Variants in FAM9B observed in about 807,000 individuals in gnomAD.
FAM9B encodes protein FAM9B.
In FAM9B, 18 loss-of-function variants were observed where a neutral mutation model predicts 16.6. That is an observed-to-expected ratio of 1.09 (90% CI 0.75 to 1.61). The LOEUF (loss-of-function observed/expected upper bound fraction) is 1.61. Ranked by LOEUF, FAM9B falls within the 40% of genes most tolerant of loss-of-function variation. The pLI, the probability that FAM9B is intolerant of heterozygous loss-of-function variation, is 0.00. For missense variants in FAM9B, 155 were observed against 136.0 expected, an observed-to-expected ratio of 1.14 and a Z score of -0.70; for synonymous variants, 43 against 42.6, an observed-to-expected ratio of 1.01 and a Z score of -0.03.
intron 7 of FAM9B, among the ~76,000 whole-genome samples, chrX:9,026,750 C>A (rs1256768945): frequency 9.0e-6 from 1 of 110,795 alleles, no homozygotes; most frequent in African/African-American, 3.3e-5. Flanking sequence ...TAGCAAAGTT[C>A]CTAACCTAAG....
chrX:9,025,539 A>G lies in FAM9B; in HGVS notation c.537T>C (p.Asp179=). The G allele has an allele frequency of 1.7e-6, 2 of 1,209,135 alleles. No homozygotes were observed. Among genetic ancestry groups the G allele is most frequent in the Non-Finnish European group, 2.2e-6 (2 of 894,269 alleles). ...TCTAGTTATCAAGTTCACTGTCTTC[A>G]TCGGAAAAAACTCTGTCACAAAGGT... is the stretch of plus-strand genomic sequence containing the variant. ...FEDLCDRVFS[D]EDSELDN Residue 179 remains aspartate (D), a synonymous_variant, in exon 8 of 9, where the codon GAT becomes GAC. Coordinates refer to ENST00000327220, the MANE Select transcript of FAM9B (RefSeq NM_205849.3).
chrX:9,032,555 G>GTTT, intron 2 of FAM9B, 94 bp from the exon 3 acceptor site: 1 of 414,264 alleles, frequency 2.4e-6, no homozygotes, highest in African/African-American at 4.5e-5. Flanking sequence ...GACTTTTTTG[G>GTTT]GGGGGGGGGG....
intron 4 of FAM9B, chrX:9,031,863 T>A (rs373389691): frequency 3.1e-6 from 1 of 324,348 alleles, no homozygotes; most frequent in African/African-American, 2.6e-5. Context: ...TCCTCTAATA[T>A]CCTCCAAACA....
chrX:9,026,555 G>C (rs1273849618), intron 7 of FAM9B, among the ~76,000 whole-genome samples: 1 of 111,310 alleles, frequency 9.0e-6, no homozygotes, highest in Non-Finnish European at 1.9e-5. Context: ...AATGAAGGAT[G>C]GCTCAGAAGA....
intron 5 of FAM9B, chrX:9,029,977 C>T: frequency 2.5e-6 from 1 of 407,929 alleles, no homozygotes. Flanking sequence ...TTATATGCAG[C>T]TACCATATTT....
intron 5 of FAM9B, 56 bp downstream of exon 5, chrX:9,030,205 A>G: frequency 3.4e-6 from 4 of 1,162,758 alleles, no homozygotes; most frequent in Non-Finnish European, 4.6e-6. Context: ...TATTTGCACC[A>G]ACTAATACAA....
intron 4 of FAM9B, 78 bp downstream of exon 4, chrX:9,032,052 C>T (rs1183892255): frequency 8.5e-6 from 8 of 938,694 alleles, no homozygotes; most frequent in Non-Finnish European, 1.2e-5. Flanking sequence ...TTGTCGTCCA[C>T]TAATTCATAT....
At chrX:9,027,549 C>A (rs1330323526) in intron 7 of FAM9B, among the ~76,000 whole-genome samples, 2 of 110,801 alleles carry the variant, frequency 1.8e-5, no homozygotes, top group East Asian at 2.8e-4. Context: ...TTTTCACACA[C>A]AAAAAAAATT....
chrX:9,033,301 C>G, intron 1 of FAM9B: 1 of 1,065,058 alleles, frequency 9.4e-7, no homozygotes, highest in Non-Finnish European at 1.2e-6. Context: ...CTGAACTCCA[C>G]GGCCTCTGCG....
chrX:9,027,744 A>C (rs1920980376), intron 7 of FAM9B, 124 bp downstream of exon 7: 1 of 528,473 alleles, frequency 1.9e-6, no homozygotes, highest in Non-Finnish European at 3.2e-6. Context: ...ATTCAAAGTG[A>C]AAATGCTAAG....
intron 4 of FAM9B, 158 bp from the exon 5 acceptor site, chrX:9,030,518 A>C: frequency 2.7e-6 from 1 of 373,895 alleles, no homozygotes; most frequent in Non-Finnish European, 4.4e-6. Context: ...AAAAAGCAAG[A>C]TTTACTCACT....
At chrX:9,031,116 T>C (rs765418499) in intron 4 of FAM9B, 1 of 111,858 alleles carries the variant, frequency 8.9e-6, no homozygotes, top group East Asian at 2.8e-4. Context: ...AATGCAAATA[T>C]TTTTTACATA....
In FAM9B at chrX:9,025,287, T is replaced by C; in HGVS notation, c.*122A>G. 1 of 311,115 alleles carries C rather than the reference T, an allele frequency of 3.2e-6. No individual in the cohort carries two copies. The highest frequency in any genetic ancestry group is 5.6e-6 in the Non-Finnish European group (1 of 178,348). The allele number at this position is 311,115 out of a possible 1,213,427, so 25.6% of individuals were successfully genotyped here. A position where few individuals can be genotyped will look rare whatever the true frequency, so the allele number is the denominator to read the frequency against. On this transcript the variant is annotated 3_prime_UTR_variant, in exon 9 of 9. Transcript: ENST00000327220. ...TTTACTGTAGCTCAAGTTGTGCTTG[T>C]ATCATATAACATAGGTTCAAGTTCT...
At chrX:9,032,219 T>C in intron 3 of FAM9B, 58 bp from the exon 4 acceptor site, 1 of 1,196,277 alleles carries the variant, frequency 8.4e-7, no homozygotes, top group South Asian at 1.8e-5. Flanking sequence ...GCCATGTTTG[T>C]TGGGAAAAGA....
chrX:9,029,510 C>T, intron 5 of FAM9B, 92 bp from the exon 6 acceptor site: 5 of 550,231 alleles, frequency 9.1e-6, no homozygotes, highest in Non-Finnish European at 1.5e-5. Context: ...ATAATTTATA[C>T]TATAAAGTAG....
Position 9,024,358 on chromosome X carries a change from T to C in FAM9B, c.*1051A>G, listed in dbSNP as rs1296500224. The C allele has an allele frequency of 8.9e-6, 1 of 111,890 alleles. No homozygotes were observed. Among genetic ancestry groups the C allele is most frequent in the Non-Finnish European group, 1.9e-5 (1 of 53,201 alleles). The allele number at this position is 111,890 out of a possible 1,213,427, so 9.2% of individuals were successfully genotyped here. On this transcript the variant is annotated 3_prime_UTR_variant, in exon 9 of 9. Transcript: ENST00000327220. ...TGAAATAATTGTAAGCATACATAAA[T>C]GTTAACAAAATGCTTTCATTCAATT...
intron 7 of FAM9B, among the ~76,000 whole-genome samples, chrX:9,026,429 G>C (rs1920967183): frequency 9.0e-6 from 1 of 111,094 alleles, no homozygotes; most frequent in Non-Finnish European, 1.9e-5. Context: ...ATGTAAAGGG[G>C]AGAGTCTCTG....
At position 9,032,797 on chromosome X, in the gene FAM9B, C is replaced by T. The variant is rs768667525; in HGVS notation, c.28+162G>A. On this transcript the variant is annotated intron_variant, in intron 2 of 8. Coordinates refer to ENST00000327220, the MANE Select transcript of FAM9B (RefSeq NM_205849.3). Reference sequence around the variant, plus strand: ...CACGGGGAAGCCTAAGGCCCTTGAGCCTGCTTTGAAAACCTGGCGCATCTT... The same window carrying T: ...CACGGGGAAGCCTAAGGCCCTTGAGTCTGCTTTGAAAACCTGGCGCATCTT... 56 of 773,894 alleles carry T rather than the reference C, an allele frequency of 7.2e-5. No individual in the cohort carries two copies. The South Asian group carries it at 1.3e-3, about 18-fold the overall frequency. The allele number at this position is 773,894 out of a possible 1,213,427, so 63.8% of individuals were successfully genotyped here.
intron 1 of FAM9B, chrX:9,033,651 C>A (rs1326172984): frequency 1.5e-6 from 1 of 660,187 alleles, no homozygotes. Flanking sequence ...TAGGGATCAC[C>A]CAGGCAGCTC....
Sources: allele counts gnomAD v4.1 joint callset (sites outside exome capture counted in the v4.1 genomes callset), GRCh38; gene constraint gnomAD v4.1.1; transcripts MANE v1.5; gene names NCBI Gene and HGNC (gene_info 2026-07-23, HGNC 2026-07-21).